Variants in ALDH1A3 observed in about 807,000 individuals in gnomAD.
ALDH1A3 encodes retinaldehyde dehydrogenase 3.
ALDH1A3 carries 28 observed loss-of-function variants against 57.5 expected under a neutral mutation model. That is an observed-to-expected ratio of 0.49 (90% CI 0.36 to 0.67). The LOEUF is 0.67. Ranked by LOEUF, ALDH1A3 falls within the 30% of genes least tolerant of loss-of-function variation. The probability of loss-of-function intolerance (pLI) is 0.00; values close to 1 mark genes in which losing one functional copy is unlikely to be tolerated. For synonymous variants in ALDH1A3, 281 were observed against 264.8 expected (o/e 1.06, Z -0.59); for missense variants, 507 against 669.4 (o/e 0.76, Z 2.68).
intron 9 of ALDH1A3, among the ~76,000 whole-genome samples, chr15:100,901,282 C>T (rs971207557): frequency 4.6e-5 from 7 of 152,188 alleles, no homozygotes; most frequent in African/African-American, 1.2e-4. Flanking sequence ...ATCATAACCA[C>T]GAGATTTAAT....
chr15:100,907,065 A>G (rs1281449848), intron 10 of ALDH1A3, 56 bp from the exon 11 acceptor site: 49 of 1,576,932 alleles, frequency 3.1e-5, no homozygotes, highest in Non-Finnish European at 4.0e-5. Flanking sequence ...GCTTGTTCAC[A>G]GCATGCATTT....
At chr15:100,896,673 A>G (rs1185840373) in intron 7 of ALDH1A3, among the ~76,000 whole-genome samples, 1 of 152,150 alleles carries the variant, frequency 6.6e-6, no homozygotes, top group African/African-American at 2.4e-5. Context: ...AAAGTGAAAA[A>G]CTTTTCGATT....
Position 100,887,828 on chromosome 15 carries a change from G to C in ALDH1A3, c.345+116G>C. On this transcript the variant is annotated intron_variant, in intron 3 of 12. Transcript: ENST00000329841. This position sits in a 1 kb window ranked among gnomAD's most constrained non-coding sequence, Gnocchi z 4.6. ...CCTGGTTTTGTGTGGTCGTGGGTCT[G>C]TTCCATCCTCTGAGACACGGCTCTC... 1 of 1,283,744 alleles carries C rather than the reference G, an allele frequency of 7.8e-7. No homozygotes were observed. The highest frequency in any genetic ancestry group is 1.0e-6 in the Non-Finnish European group (1 of 970,340). The allele number at this position is 1,283,744 out of a possible 1,614,324, so 79.5% of individuals were successfully genotyped here. A position where few individuals can be genotyped will look rare whatever the true frequency, so the allele number is the denominator to read the frequency against.
Position 100,889,926 on chromosome 15 carries a change from C to T in ALDH1A3, c.345+2214C>T, listed in dbSNP as rs1024450735. 1.3e-5 allele frequency among the ~76,000 whole-genome samples: 2 copies of T among 152,346 alleles called. No individual in the cohort carries two copies. The highest frequency in any genetic ancestry group is 2.9e-5 in the Non-Finnish European group (2 of 68,032). ...ACAGGAGAGCGCCCCTTGCTCTCCA[C>T]CTCGATATGGTTTCCGTGCATGTTC... On this transcript the variant is annotated intron_variant, in intron 3 of 12. Coordinates refer to ENST00000329841, the MANE Select transcript of ALDH1A3 (RefSeq NM_000693.4). This position sits in a 1 kb window ranked among gnomAD's most constrained non-coding sequence, Gnocchi z 5.1.
At chr15:100,909,306 G>A (rs1013586168) in intron 12 of ALDH1A3, among the ~76,000 whole-genome samples, 2 of 123,680 alleles carry the variant, frequency 1.6e-5, no homozygotes, top group Non-Finnish European at 3.3e-5. Context: ...TCCTCAGTGT[G>A]TGAACCCACT....
chr15:100,902,795 G>A (rs1010740233), intron 9 of ALDH1A3, among the ~76,000 whole-genome samples: 1 of 152,240 alleles, frequency 6.6e-6, no homozygotes, highest in Non-Finnish European at 1.5e-5. Flanking sequence ...GTGTTCCTAC[G>A]GGCTCTCCAG....
rs1188973568 is a variant in ALDH1A3, at chr15:100,889,559, C to T, written c.345+1847C>T. On this transcript the variant is annotated intron_variant, in intron 3 of 12. Transcript: ENST00000329841. The surrounding 1 kb of genome is among the most constrained non-coding windows in gnomAD (Gnocchi z 5.1). ...TTTTCAAAAACATTTCTGTTTTCAC[C>T]CGGCATGAGCTCATCGGTCGGCAAT... Among the ~76,000 whole-genome samples the T allele has an allele frequency of 6.6e-6, 1 of 152,196 alleles. No individual in the cohort carries two copies. Among genetic ancestry groups the T allele is most frequent in the Non-Finnish European group, 1.5e-5 (1 of 68,032 alleles).
At chr15:100,890,257 T>C (rs2041636380) in intron 3 of ALDH1A3, among the ~76,000 whole-genome samples, 2 of 152,232 alleles carry the variant, frequency 1.3e-5, no homozygotes, top group Non-Finnish European at 2.9e-5. Context: ...GATGTGTTAA[T>C]TTCTCAGGAG....
intron 12 of ALDH1A3, among the ~76,000 whole-genome samples, chr15:100,912,896 C>T (rs1332030999): frequency 1.0e-4 from 3 of 29,412 alleles, no homozygotes; most frequent in African/African-American, 2.3e-4. Context: ...CGGTGGCTCA[C>T]GCCTGTAATC....
rs373628286 is a variant in ALDH1A3 at position 100,910,634 on chromosome 15, C to T, written c.1466+2152C>T. ...CTGGCAGCTTAGTCCTTGGACCCACCGCAGTGCAGGACCTTGCTCAACAGG... is the reference window on the plus strand; with the variant it reads ...CTGGCAGCTTAGTCCTTGGACCCACTGCAGTGCAGGACCTTGCTCAACAGG... On this transcript the variant is annotated intron_variant, in intron 12 of 12. Coordinates refer to ENST00000329841, the MANE Select transcript of ALDH1A3 (RefSeq NM_000693.4). Among the ~76,000 whole-genome samples the T allele has an allele frequency of 1.6e-4, 24 of 152,350 alleles. 1 individual carries two copies. The highest frequency in any genetic ancestry group is 3.9e-4 in the East Asian group (2 of 5,192).
chr15:100,902,921 G>A (rs938610779), intron 9 of ALDH1A3, among the ~76,000 whole-genome samples: 1 of 152,220 alleles, frequency 6.6e-6, no homozygotes, highest in African/African-American at 2.4e-5. Flanking sequence ...GCGGTTGGGC[G>A]AAGCCCCTGT....
At chr15:100,891,898 C>T (rs1413467855) in intron 3 of ALDH1A3, among the ~76,000 whole-genome samples, 54 of 152,394 alleles carry the variant, frequency 3.5e-4, no homozygotes, top group Admixed American at 3.5e-3. Flanking sequence ...GCAGTCTGCT[C>T]CCTTCCGACT....
intron 8 of ALDH1A3, among the ~76,000 whole-genome samples, chr15:100,898,626 G>A (rs2041735475): frequency 6.6e-6 from 1 of 152,200 alleles, no homozygotes; most frequent in Non-Finnish European, 1.5e-5. Flanking sequence ...TAAGATCCCT[G>A]AAGAGTGGAG....
Position 100,900,191 on chromosome 15 carries a change from A to G in ALDH1A3, c.884-384A>G, listed in dbSNP as rs1300040181. Among the ~76,000 whole-genome samples, 3 of 152,150 alleles carry G rather than the reference A, an allele frequency of 2.0e-5. No homozygotes were observed. The South Asian group carries it at 6.2e-4, about 32-fold the overall frequency. ...TTTGGCTTCTTTAGAAGTTCTCGCCAGGGGGCCTACATCAATAATTACCGA... is the reference window on the plus strand; with the variant it reads ...TTTGGCTTCTTTAGAAGTTCTCGCCGGGGGGCCTACATCAATAATTACCGA... On this transcript the variant is annotated intron_variant, in intron 8 of 12. Transcript: ENST00000329841.
rs2041682859 is a variant in ALDH1A3 at position 100,894,775 on chromosome 15, G to A, written c.666+693G>A. ...CTTAGAAGCAAGGTGGGAACAGCTG[G>A]TGATGAGCCAATTTTCCACTTTCCT... On this transcript the variant is annotated intron_variant, in intron 6 of 12. Transcript: ENST00000329841. The surrounding 1 kb of genome is among the most constrained non-coding windows in gnomAD (Gnocchi z 4.5). The A allele has an allele frequency of 6.6e-6, 1 of 152,296 alleles. No individual in the cohort carries two copies. Among genetic ancestry groups the A allele is most frequent in the Non-Finnish European group, 1.5e-5 (1 of 68,104 alleles). The allele number at this position is 152,296 out of a possible 1,614,324, so 9.4% of individuals were successfully genotyped here.
In ALDH1A3 at chr15:100,889,330, G is replaced by A. The variant is rs1246002767; in HGVS notation, c.345+1618G>A. Among the ~76,000 whole-genome samples, 1 of 152,132 alleles carries A rather than the reference G, an allele frequency of 6.6e-6. No homozygotes were observed. The highest frequency in any genetic ancestry group is 1.9e-4 in the East Asian group (1 of 5,192). On this transcript the variant is annotated intron_variant, in intron 3 of 12. Transcript: ENST00000329841. This position sits in a 1 kb window ranked among gnomAD's most constrained non-coding sequence, Gnocchi z 5.1. The stretch of plus-strand genomic sequence containing the variant: ...TTTCTCAGGGTGGAGGAACTCTCAG[G>A]CCGTACTCTTGGGTGCATTTCCCTA...
chr15:100,908,282 T>C (rs1435797673), intron 11 of ALDH1A3, 126 bp from the exon 12 acceptor site: 31 of 750,420 alleles, frequency 4.1e-5, no homozygotes, highest in Non-Finnish European at 6.8e-5. Flanking sequence ...TGTGTTTTCA[T>C]CAAGGAAGCT....
intron 11 of ALDH1A3, among the ~76,000 whole-genome samples, chr15:100,907,575 C>T (rs1304607740): frequency 6.6e-6 from 1 of 152,164 alleles, no homozygotes; most frequent in Admixed American, 6.5e-5. Flanking sequence ...CTGTACTGCC[C>T]CTCCAACTTT....
intron 1 of ALDH1A3, among the ~76,000 whole-genome samples, chr15:100,884,211 T>C (rs1023934399): frequency 6.6e-6 from 1 of 152,234 alleles, no homozygotes; most frequent in African/African-American, 2.4e-5. Flanking sequence ...TGTCGGAATG[T>C]GTTTTGTATA....
Sources: allele counts gnomAD v4.1 joint callset (sites outside exome capture counted in the v4.1 genomes callset), GRCh38; gene constraint gnomAD v4.1.1; non-coding constraint Gnocchi (gnomAD v3.1); transcripts MANE v1.5; gene names NCBI Gene and HGNC (gene_info 2026-07-23, HGNC 2026-07-21).